Variants in ST7L observed in about 807,000 individuals in gnomAD.
The protein encoded by ST7L is suppressor of tumorigenicity 7 protein-like.
ST7L carries 57 observed loss-of-function variants against 72.5 expected under a neutral mutation model. The observed-to-expected ratio is 0.79, with a 90% confidence interval of 0.64 to 0.98. ST7L has a LOEUF of 0.98. Among genes scored for constraint, ST7L ranks in the 50% least tolerant of loss-of-function variants. The pLI is 0.00. For synonymous variants in ST7L, 221 were observed against 240.9 expected (o/e 0.92, Z 0.77); for missense variants, 576 against 672.2 (o/e 0.86, Z 1.58).
chr1:112,617,108 G>T (rs7415988), intron 1 of ST7L: 250,891 of 317,288 alleles, frequency 0.79, 100,034 homozygotes, highest in East Asian at 0.93. Flanking sequence ...AGCTTGCTTT[G>T]GAGAATAAAA....
chr1:112,536,318 A>G (rs1281647401), intron 14 of ST7L, among the ~76,000 whole-genome samples: 1 of 152,156 alleles, frequency 6.6e-6, no homozygotes, highest in African/African-American at 2.4e-5. Context: ...CTATCATGTC[A>G]CAGGTTATAA....
At chr1:112,584,181 T>G (rs1664532667) in intron 6 of ST7L, 55 bp from the exon 7 acceptor site, 1 of 1,557,648 alleles carries the variant, frequency 6.4e-7, no homozygotes, top group East Asian at 2.3e-5. Context: ...AAGTGTTTTC[T>G]CTTGGTTATG....
At position 112,570,120 on chromosome 1, in the gene ST7L, A is replaced by G. The variant is rs371357340; in HGVS notation, c.1245+6866T>C. Among the ~76,000 whole-genome samples, 50 of 152,288 alleles carry G rather than the reference A, an allele frequency of 3.3e-4. No individual in the cohort carries two copies. In the East Asian group the frequency reaches 5.8e-3, roughly 18 times the overall value. ...ACAATTCATATAGTAGCTGAAAGAT[A>G]AACGACCGTTTTTGTGTTTGGCAAC... On this transcript the variant is annotated intron_variant, in intron 11 of 14. Coordinates refer to ENST00000358039, the MANE Select transcript of ST7L (RefSeq NM_017744.5).
At chr1:112,573,336 A>T (rs765626770) in intron 11 of ST7L, among the ~76,000 whole-genome samples, 39 of 144,938 alleles carry the variant, frequency 2.7e-4, no homozygotes, top group Non-Finnish European at 5.4e-4. Context: ...CAGCAAGAGC[A>T]AAACTCCCTC....
intron 11 of ST7L, among the ~76,000 whole-genome samples, chr1:112,575,743 CTG>C (rs1343705262): frequency 6.6e-6 from 1 of 152,208 alleles, no homozygotes; most frequent in Admixed American, 6.5e-5. Context: ...CAGAGGCTGA[CTG>C]TGGTAACTGA....
At chr1:112,567,247 A>G (rs1362480469) in intron 11 of ST7L, among the ~76,000 whole-genome samples, 1 of 152,124 alleles carries the variant, frequency 6.6e-6, no homozygotes. Context: ...TTACCTTCAT[A>G]TGAACATCTC....
chr1:112,598,513 G>A (rs539824392), intron 4 of ST7L, among the ~76,000 whole-genome samples: 2 of 151,690 alleles, frequency 1.3e-5, no homozygotes, highest in East Asian at 3.9e-4. Flanking sequence ...TACTGGGGAG[G>A]CTGAAGCTGA....
Position 112,567,178 on chromosome 1 carries a change from T to C in ST7L, c.1245+9808A>G, listed in dbSNP as rs183053737. Among the ~76,000 whole-genome samples, 344 of 152,342 alleles carry C rather than the reference T, an allele frequency of 2.3e-3. 1 individual carries two copies. The highest frequency in any genetic ancestry group is 3.4e-3 in the Middle Eastern group (1 of 294). Reference sequence around the variant, plus strand: ...GAAAGTATTACTTCATGACTTTATATTGCATTTCTCTCATAACTAATGATG... The same window carrying C: ...GAAAGTATTACTTCATGACTTTATACTGCATTTCTCTCATAACTAATGATG... On this transcript the variant is annotated intron_variant, in intron 11 of 14. Transcript: ENST00000358039.
In ST7L at chr1:112,582,426, C is replaced by CA; in HGVS notation, c.902dup (p.Met301IlefsTer33). On this transcript the variant is annotated frameshift_variant, in exon 8 of 15. Coordinates refer to ENST00000358039, the MANE Select transcript of ST7L (RefSeq NM_017744.5). LOFTEE classifies it high-confidence loss of function. Reference sequence around the variant, plus strand: ...TTATTCTTCCTAATTTTCTTGCACACATTGCCAATCTTCTTTTAATATATA... The same window carrying CA: ...TTATTCTTCCTAATTTTCTTGCACACAATTGCCAATCTTCTTTTAATATATA... 1 of 1,609,010 alleles carries CA rather than the reference C, an allele frequency of 6.2e-7. No individual in the cohort carries two copies. Among genetic ancestry groups the CA allele is most frequent in the South Asian group, 1.1e-5 (1 of 90,866 alleles).
At chr1:112,608,508 A>G (rs1351525043) in intron 3 of ST7L, among the ~76,000 whole-genome samples, 1 of 152,122 alleles carries the variant, frequency 6.6e-6, no homozygotes, top group Non-Finnish European at 1.5e-5. Flanking sequence ...TTTACTGTCA[A>G]TTTATTTATA....
chr1:112,564,476 T>G (rs1247178794), intron 11 of ST7L, among the ~76,000 whole-genome samples: 3 of 152,172 alleles, frequency 2.0e-5, no homozygotes, highest in African/African-American at 7.2e-5. Context: ...CTTTTATCTT[T>G]TATATATGCC....
chr1:112,572,202 TTTG>T (rs1662253938), intron 11 of ST7L, among the ~76,000 whole-genome samples: 1 of 152,216 alleles, frequency 6.6e-6, no homozygotes, highest in South Asian at 2.1e-4. Flanking sequence ...TCATCCAGGC[TTTG>T]TTGTTCCATT....
At chr1:112,594,086 A>C (rs79043079) in intron 5 of ST7L, among the ~76,000 whole-genome samples, 1 of 151,996 alleles carries the variant, frequency 6.6e-6, no homozygotes, top group African/African-American at 2.4e-5. Context: ...TAAAGCTTCA[A>C]CTTTATCACT....
At chr1:112,569,966 A>C (rs1205030359) in intron 11 of ST7L, among the ~76,000 whole-genome samples, 2 of 151,452 alleles carry the variant, frequency 1.3e-5, no homozygotes, top group Non-Finnish European at 2.9e-5. Flanking sequence ...TCAAAAAAAA[A>C]AAAAAAAACA....
At chr1:112,559,634 G>T (rs1230066582) in intron 11 of ST7L, among the ~76,000 whole-genome samples, 1 of 152,106 alleles carries the variant, frequency 6.6e-6, no homozygotes, top group Non-Finnish European at 1.5e-5. Context: ...CACTTATTAA[G>T]AAATTATACT....
At chr1:112,586,062 T>C (rs1050797430) in intron 6 of ST7L, among the ~76,000 whole-genome samples, 3 of 152,222 alleles carry the variant, frequency 2.0e-5, no homozygotes, top group African/African-American at 7.2e-5. Flanking sequence ...ACAATTTCAC[T>C]AATCAACAAA....
chr1:112,597,860 C>T (rs1387067376), intron 5 of ST7L, 111 bp downstream of exon 5: 4 of 664,744 alleles, frequency 6.0e-6, no homozygotes, highest in Non-Finnish European at 9.0e-6. Context: ...ATATAAACAA[C>T]TCCAAGCCAA....
intron 5 of ST7L, among the ~76,000 whole-genome samples, chr1:112,593,706 GA>G (rs886925347): frequency 6.6e-6 from 1 of 151,956 alleles, no homozygotes; most frequent in Admixed American, 6.6e-5. Flanking sequence ...AAATGCTGAA[GA>G]AAAAAATCCA....
Position 112,546,975 on chromosome 1 carries a change from T to TAC in ST7L, c.1489+3624_1489+3625dup, listed in dbSNP as rs572703397. On this transcript the variant is annotated intron_variant, in intron 13 of 14. Transcript: ENST00000358039. ...ATCTCTATATATGTACATATATATA[T>TAC]ACACATATACAGGTATGTATGTATA... is the stretch of plus-strand genomic sequence containing the variant. Among the ~76,000 whole-genome samples, 466 of 152,014 alleles carry TAC rather than the reference T, an allele frequency of 3.1e-3. 3 individuals are homozygous for TAC. The highest frequency in any genetic ancestry group is 0.011 in the African/African-American group (443 of 41,502).
Sources: allele counts gnomAD v4.1 joint callset (sites outside exome capture counted in the v4.1 genomes callset), GRCh38; gene constraint gnomAD v4.1.1; transcripts MANE v1.5; gene names NCBI Gene and HGNC (gene_info 2026-07-23, HGNC 2026-07-21).